The following DLGAP1 variants were observed in gnomAD, a reference collection of about 807,000 sequenced individuals.
DLGAP1 encodes disks large-associated protein 1.
DLGAP1 carries 11 observed loss-of-function variants against 90.8 expected under a neutral mutation model. The observed-to-expected ratio is 0.12, with a 90% CI of 0.08 to 0.20. DLGAP1 has a LOEUF of 0.20. Ranked by LOEUF, DLGAP1 falls within the 10% of genes least tolerant of loss-of-function variation. The pLI is 1.00. For missense variants in DLGAP1, 1,050 were observed against 1,333.8 expected (o/e 0.79, Z 3.31); for synonymous variants, 558 against 540.7 (o/e 1.03, Z -0.44).
At chr18:3,762,095 A>G (rs770808834) in intron 5 of DLGAP1, among the ~76,000 whole-genome samples, 26 of 152,236 alleles carry the variant, frequency 1.7e-4, no homozygotes, top group Non-Finnish European at 1.8e-4. Context: ...GTAGTACTTC[A>G]GGGACTATTA....
intron 11 of DLGAP1, among the ~76,000 whole-genome samples, chr18:3,503,136 T>C (rs1360018487): frequency 2.0e-5 from 3 of 152,226 alleles, no homozygotes; most frequent in Non-Finnish European, 2.9e-5. Flanking sequence ...AATAAAATAT[T>C]GGATGTTCCA....
chr18:3,629,581 A>G (rs1422019401), intron 7 of DLGAP1, among the ~76,000 whole-genome samples: 1 of 152,078 alleles, frequency 6.6e-6, no homozygotes, highest in Non-Finnish European at 1.5e-5. Context: ...CTGAGGCAGG[A>G]GAATGGCGTG....
intron 2 of DLGAP1, among the ~76,000 whole-genome samples, chr18:4,043,633 C>G (rs1270756134): frequency 6.6e-6 from 1 of 152,086 alleles, no homozygotes; most frequent in Non-Finnish European, 1.5e-5. Context: ...ACTTCAACAT[C>G]CCCAGTTTGA....
At chr18:4,157,071 A>T (rs772877357) in intron 1 of DLGAP1, among the ~76,000 whole-genome samples, 1 of 152,156 alleles carries the variant, frequency 6.6e-6, no homozygotes, top group Non-Finnish European at 1.5e-5. Context: ...CCTGTTTTAG[A>T]CGTGAAGTTT....
At chr18:3,710,950 A>G (rs976960005) in intron 7 of DLGAP1, among the ~76,000 whole-genome samples, 2 of 152,208 alleles carry the variant, frequency 1.3e-5, no homozygotes, top group African/African-American at 4.8e-5. Flanking sequence ...CTAATAAGTA[A>G]CAGGTGTTCC....
chr18:3,879,625 G>C lies in DLGAP1; in HGVS notation c.444C>G (p.Leu148=), dbSNP rs2071096591. 6.2e-7 allele frequency: 1 copy of C among 1,604,450 alleles called. No individual in the cohort carries two copies. Among genetic ancestry groups the C allele is most frequent in the Admixed American group, 1.7e-5 (1 of 59,926 alleles). Residue 148 remains leucine, a synonymous_variant, in exon 4 of 13, where the codon CTC becomes CTG. Transcript: ENST00000315677. The surrounding 1 kb of genome is among the most constrained non-coding windows in gnomAD (Gnocchi z 6.6). ...IRHLVHSVQK[L]FTKSHSLEGP... is the part of the protein sequence containing the mutation. The stretch of plus-strand genomic sequence containing the variant: ...CCTCCAGGGAGTGCGACTTGGTGAA[G>C]AGCTTCTGGACCGAGTGCACCAGGT...
chr18:3,675,094 T>C (rs1311207798), intron 7 of DLGAP1, among the ~76,000 whole-genome samples: 2 of 152,176 alleles, frequency 1.3e-5, no homozygotes, highest in African/African-American at 4.8e-5. Context: ...TTTTTTGAGA[T>C]GGAGTCTCAC....
At chr18:3,920,943 C>A (rs549737194) in intron 3 of DLGAP1, among the ~76,000 whole-genome samples, 2 of 152,262 alleles carry the variant, frequency 1.3e-5, no homozygotes, top group African/African-American at 4.8e-5. Flanking sequence ...GTAACTTTTG[C>A]CTTTTCAACA....
At position 3,962,293 on chromosome 18, in the gene DLGAP1, C is replaced by T. The variant is rs541379606; in HGVS notation, c.-73+42823G>A. 7.2e-5 allele frequency: 11 copies of T among 152,262 alleles called. No homozygotes were observed. The South Asian group carries it at 2.3e-3, about 32-fold the overall frequency. The allele number at this position is 152,262 out of a possible 1,614,324, so 9.4% of individuals were successfully genotyped here. On this transcript the variant is annotated intron_variant, in intron 3 of 12. Transcript: ENST00000315677. ...TTTGTCCAATCACTCATCGTTTCTT[C>T]ACATTAAATTTGAGTTTGAACTGGT...
intron 2 of DLGAP1, among the ~76,000 whole-genome samples, chr18:4,031,721 A>G (rs777918634): frequency 8.5e-5 from 13 of 152,192 alleles, no homozygotes; most frequent in Non-Finnish European, 1.8e-4. Flanking sequence ...AAATATAATG[A>G]AGGTTAAAGT....
intron 1 of DLGAP1, among the ~76,000 whole-genome samples, chr18:4,285,137 A>C (rs1262903129): frequency 6.6e-6 from 1 of 152,204 alleles, no homozygotes; most frequent in East Asian, 1.9e-4. Flanking sequence ...CATCATTTGG[A>C]TATCAGGGAC....
At chr18:4,264,894 T>A (rs2079073799) in intron 1 of DLGAP1, 1 of 152,154 alleles carries the variant, frequency 6.6e-6, no homozygotes, top group Admixed American at 6.6e-5. Flanking sequence ...GGCAAAACCA[T>A]GAGGAAGGTA....
Position 4,017,073 on chromosome 18 carries a change from G to A in DLGAP1, c.-158-11872C>T, listed in dbSNP as rs191846562. Among the ~76,000 whole-genome samples, 58 of 152,278 alleles carry A rather than the reference G, an allele frequency of 3.8e-4. No individual in the cohort carries two copies. In the East Asian group the frequency reaches 0.011, roughly 28 times the overall value. ...CAGTCTTATTTACACCAAAGATCAC[G>A]TTTGGGTAGTCAAAATAAAAGTGAC... On this transcript the variant is annotated intron_variant, in intron 2 of 12. Coordinates refer to ENST00000315677, the MANE Select transcript of DLGAP1 (RefSeq NM_004746.4).
chr18:3,582,362 C>G (rs761902876), intron 7 of DLGAP1, 114 bp from the exon 8 acceptor site: 1 of 1,478,888 alleles, frequency 6.8e-7, no homozygotes, highest in Non-Finnish European at 9.0e-7. Flanking sequence ...AGACATTTAA[C>G]AGGAAAACAA....
Position 3,879,015 on chromosome 18 carries a change from A to T in DLGAP1, c.957+97T>A. Reference sequence around the variant, plus strand: ...TTTGCACAGGTTCCTATCTTAATAGACAATTCAGAGTAGTGCCAAGACTAG... The same window carrying T: ...TTTGCACAGGTTCCTATCTTAATAGTCAATTCAGAGTAGTGCCAAGACTAG... On this transcript the variant is annotated intron_variant, in intron 4 of 12. Coordinates refer to ENST00000315677, the MANE Select transcript of DLGAP1 (RefSeq NM_004746.4). This position sits in a 1 kb window ranked among gnomAD's most constrained non-coding sequence, Gnocchi z 6.6. The T allele has an allele frequency of 9.8e-7, 1 of 1,025,224 alleles. No homozygotes were observed. The highest frequency in any genetic ancestry group is 1.3e-6 in the Non-Finnish European group (1 of 745,958). 63.5% of individuals were successfully genotyped at this position (1,025,224 alleles called of 1,614,324 possible). A position where few individuals can be genotyped will look rare whatever the true frequency, so the allele number is the denominator to read the frequency against.
chr18:4,263,576 A>G (rs979877723), intron 1 of DLGAP1, among the ~76,000 whole-genome samples: 1 of 152,202 alleles, frequency 6.6e-6, no homozygotes, highest in African/African-American at 2.4e-5. Flanking sequence ...TAGATGAAAA[A>G]TACTTCCATT....
At chr18:3,589,920 C>A (rs1568254338) in intron 7 of DLGAP1, among the ~76,000 whole-genome samples, 2 of 152,106 alleles carry the variant, frequency 1.3e-5, no homozygotes, top group African/African-American at 4.8e-5. Flanking sequence ...GCCTTTATTT[C>A]TTTATTTGAG....
chr18:3,672,011 A>G (rs564712349), intron 7 of DLGAP1, among the ~76,000 whole-genome samples: 4 of 152,324 alleles, frequency 2.6e-5, no homozygotes, highest in Non-Finnish European at 5.9e-5. Context: ...ATTTTCTGCA[A>G]TGAGATATTT....
chr18:4,231,505 C>A (rs1262278381), intron 1 of DLGAP1, among the ~76,000 whole-genome samples: 1 of 152,128 alleles, frequency 6.6e-6, no homozygotes, highest in Non-Finnish European at 1.5e-5. Context: ...ACTGCTTTGG[C>A]AAAATTACTG....
Sources: gnomAD v4.1 joint callset for allele counts (sites outside exome capture counted in the v4.1 genomes callset) on GRCh38, gnomAD v4.1.1 for gene constraint, Gnocchi (gnomAD v3.1) non-coding constraint, MANE v1.5 for transcripts, NCBI Gene and HGNC (gene_info 2026-07-23, HGNC 2026-07-21) for gene names.